Variants in KAZN observed in about 807,000 individuals in gnomAD.
KAZN encodes kazrin.
KAZN carries 40 observed loss-of-function variants against 87.4 expected under a neutral mutation model. That is an observed-to-expected ratio of 0.46 (90% CI 0.36 to 0.60). The LOEUF (loss-of-function observed/expected upper bound fraction) is 0.60. Ranked by LOEUF, KAZN falls within the 20% of genes least tolerant of loss-of-function variation. The pLI, the probability that KAZN is intolerant of heterozygous loss-of-function variation, is 0.00. For missense variants in KAZN, 898 were observed against 1,073.9 expected (o/e 0.84, Z 2.29); for synonymous variants, 466 against 458.3 (o/e 1.02, Z -0.22).
In KAZN at chr1:14,876,613, T is replaced by C. The variant is rs1032444988; in HGVS notation, c.227-84071T>C. On this transcript the variant is annotated intron_variant, in intron 1 of 14. Coordinates refer to ENST00000376030, the MANE Select transcript of KAZN (RefSeq NM_201628.3). ...CTGCCCCTTACCAGCTCTGTGACCT[T>C]GAGTATGCTTCCCACCTTCTCTGTT... Among the ~76,000 whole-genome samples, 3 of 152,200 alleles carry C rather than the reference T, an allele frequency of 2.0e-5. No individual in the cohort carries two copies. In the East Asian group the frequency reaches 5.8e-4, roughly 29 times the overall value.
At position 14,180,692 on chromosome 1, in the gene KAZN, A is replaced by G. The variant is rs1395293916; in HGVS notation, c.249+100A>G. ...AATGTTCAACTACCACACCTATTGA[A>G]ACCTGTTTTTCTGATATAACAGATT... On this transcript the variant is annotated intron_variant, in intron 2 of 16. Transcript: ENST00000636203. 4.1e-5 allele frequency: 37 copies of G among 896,898 alleles called. No individual in the cohort carries two copies. The South Asian group carries it at 4.2e-4, about 10-fold the overall frequency. 55.6% of individuals were successfully genotyped at this position (896,898 alleles called of 1,614,324 possible).
intron 2 of KAZN, among the ~76,000 whole-genome samples, chr1:14,223,986 G>A (rs1647172355): frequency 6.6e-6 from 1 of 152,148 alleles, no homozygotes; most frequent in Non-Finnish European, 1.5e-5. Flanking sequence ...TAGAGTTCAC[G>A]ATCGTCAGGG....
intron 2 of KAZN, among the ~76,000 whole-genome samples, chr1:14,400,732 C>T (rs913290249): frequency 1.2e-4 from 18 of 152,316 alleles, no homozygotes; most frequent in South Asian, 4.1e-4. Flanking sequence ...CTCCCAGGCC[C>T]GGCCCCTGCT....
intron 8 of KAZN, among the ~76,000 whole-genome samples, chr1:15,090,997 G>T (rs1293050184): frequency 6.6e-6 from 1 of 152,038 alleles, no homozygotes; most frequent in African/African-American, 2.4e-5. Flanking sequence ...TGTGGGGAGG[G>T]GGTTTGTAAC....
chr1:14,963,549 A>G (rs1318355619), intron 2 of KAZN, among the ~76,000 whole-genome samples: 1 of 152,220 alleles, frequency 6.6e-6, no homozygotes, highest in Non-Finnish European at 1.5e-5. Context: ...GACTCAAGTC[A>G]GATCTGGGGG....
At chr1:14,696,361 G>A (rs1399364001) in intron 1 of KAZN, among the ~76,000 whole-genome samples, 1 of 152,196 alleles carries the variant, frequency 6.6e-6, no homozygotes, top group African/African-American at 2.4e-5. Flanking sequence ...GGATGCAGAC[G>A]TTCTGGGCAG....
intron 2 of KAZN, among the ~76,000 whole-genome samples, chr1:14,514,415 A>ATTT (rs1671138020): frequency 1.7e-4 from 2 of 11,960 alleles, no homozygotes; most frequent in African/African-American, 5.4e-4. Context: ...ATAATATATA[A>ATTT]ATATATATAT....
chr1:14,491,138 G>A (rs980356704), intron 2 of KAZN, among the ~76,000 whole-genome samples: 8 of 152,006 alleles, frequency 5.3e-5, no homozygotes, highest in African/African-American at 1.9e-4. Context: ...TTATTCCTAG[G>A]TGTCCTGGGT....
chr1:14,737,763 T>C (rs1046726713), intron 1 of KAZN, among the ~76,000 whole-genome samples: 1 of 152,168 alleles, frequency 6.6e-6, no homozygotes, highest in Admixed American at 6.5e-5. Flanking sequence ...GCCACTGTTC[T>C]CTTGATGGCT....
intron 2 of KAZN, among the ~76,000 whole-genome samples, chr1:14,282,983 G>A (rs770370395): frequency 6.6e-6 from 1 of 152,156 alleles, no homozygotes; most frequent in Non-Finnish European, 1.5e-5. Flanking sequence ...TCGAGAATGA[G>A]GTCAGACAAA....
chr1:14,536,532 G>A (rs1458609910), intron 2 of KAZN, among the ~76,000 whole-genome samples: 1 of 152,162 alleles, frequency 6.6e-6, no homozygotes, highest in Non-Finnish European at 1.5e-5. Context: ...TAAAGCTCAG[G>A]GCTGAGACAG....
At chr1:14,320,661 C>T (rs145009186) in intron 2 of KAZN, among the ~76,000 whole-genome samples, 22 of 152,298 alleles carry the variant, frequency 1.4e-4, no homozygotes, top group African/African-American at 4.8e-4. Flanking sequence ...CTCAATATTT[C>T]CTGGCAGTTG....
intron 1 of KAZN, among the ~76,000 whole-genome samples, chr1:13,949,689 T>C (rs1641276052): frequency 6.6e-6 from 1 of 152,190 alleles, no homozygotes; most frequent in Non-Finnish European, 1.5e-5. Flanking sequence ...TCCATATGAA[T>C]ATACCTTATG....
chr1:14,380,918 G>A (rs1276795485), intron 2 of KAZN, among the ~76,000 whole-genome samples: 2 of 152,122 alleles, frequency 1.3e-5, no homozygotes, highest in Non-Finnish European at 1.5e-5. Flanking sequence ...ACTACATCAA[G>A]GCATTTAATA....
chr1:15,007,079 AAAAAC>A (rs1391816073), intron 2 of KAZN, among the ~76,000 whole-genome samples: 8,455 of 133,840 alleles, frequency 0.063, 248 homozygotes, highest in South Asian at 0.1. Flanking sequence ...AAAAAAAAAG[AAAAAC>A]AGAAAATTCC....
upstream of KAZN, among the ~76,000 whole-genome samples, chr1:14,594,785 A>C (rs1379667495): frequency 6.6e-6 from 1 of 152,192 alleles, no homozygotes; most frequent in Non-Finnish European, 1.5e-5. Flanking sequence ...GTAAACGCCT[A>C]TCAGCCCCCA....
intron 1 of KAZN, among the ~76,000 whole-genome samples, chr1:14,695,692 G>A (rs1429202579): frequency 6.6e-6 from 1 of 151,600 alleles, no homozygotes; most frequent in Non-Finnish European, 1.5e-5. Context: ...TTTTAGTAGA[G>A]ATGGGGTTTC....
upstream of KAZN, among the ~76,000 whole-genome samples, chr1:14,597,936 A>G (rs1302609828): frequency 6.6e-6 from 1 of 152,158 alleles, no homozygotes; most frequent in Non-Finnish European, 1.5e-5. Context: ...CTGAGGCAGC[A>G]GGGCTCAACT....
intron 1 of KAZN, among the ~76,000 whole-genome samples, chr1:14,825,178 C>T (rs1305540418): frequency 6.6e-6 from 1 of 152,220 alleles, no homozygotes; most frequent in Non-Finnish European, 1.5e-5. Context: ...AAGGCCTGGA[C>T]CATCCCTGAG....
Sources: gnomAD v4.1 joint callset for allele counts (sites outside exome capture counted in the v4.1 genomes callset) on GRCh38, gnomAD v4.1.1 for gene constraint, MANE v1.5 for transcripts, NCBI Gene and HGNC (gene_info 2026-07-23, HGNC 2026-07-21) for gene names.